COA1: variants seen among roughly 807,000 people sequenced by gnomAD.
The protein encoded by COA1 is cytochrome c oxidase assembly factor 1 homolog.
COA1 carries 13 observed loss-of-function variants against 16.0 expected under a neutral mutation model. That is an observed-to-expected ratio of 0.81 (90% CI 0.53 to 1.29). The LOEUF is 1.29. Among genes scored for constraint, COA1 ranks in the 50% most tolerant of loss-of-function variants. The pLI is 0.00. For missense variants in COA1, 179 were observed against 177.0 expected (o/e 1.01, Z -0.06); for synonymous variants, 65 against 65.7 (o/e 0.99, Z 0.05).
At chr7:43,692,791 A>T (rs2094416854) in intron 1 of COA1, among the ~76,000 whole-genome samples, 1 of 152,126 alleles carries the variant, frequency 6.6e-6, no homozygotes. Flanking sequence ...AAGGACCAAT[A>T]AACTTTGTAA....
intron 1 of COA1, among the ~76,000 whole-genome samples, chr7:43,696,295 C>T (rs149886074): frequency 2.0e-5 from 3 of 152,210 alleles, no homozygotes; most frequent in Non-Finnish European, 2.9e-5. Flanking sequence ...AGAATTCACA[C>T]TATCACGAGA....
chr7:43,624,578 A>G (rs928479893), intron 6 of COA1: 3 of 1,614,042 alleles, frequency 1.9e-6, no homozygotes, highest in African/African-American at 2.7e-5. Flanking sequence ...GCAGTATTCA[A>G]GAGCCTTCTT....
At chr7:43,626,946 A>G (rs1396445709) in intron 6 of COA1, among the ~76,000 whole-genome samples, 2 of 152,132 alleles carry the variant, frequency 1.3e-5, no homozygotes, top group African/African-American at 2.4e-5. Context: ...TTTTTGGTTT[A>G]TAAGATAAAA....
chr7:43,683,046 T>C (rs1468210458), intron 1 of COA1, among the ~76,000 whole-genome samples: 5 of 152,000 alleles, frequency 3.3e-5, no homozygotes, highest in Non-Finnish European at 7.4e-5. Flanking sequence ...TTAGTAGAGA[T>C]GGGGTTTCAC....
At chr7:43,691,026 T>A (rs1585036136) in intron 1 of COA1, among the ~76,000 whole-genome samples, 1 of 113,818 alleles carries the variant, frequency 8.8e-6, no homozygotes, top group African/African-American at 3.5e-5. Flanking sequence ...AAGACCAGCC[T>A]GGGCAATATA....
chr7:43,639,534 G>A lies in COA1; in HGVS notation c.*48C>T, dbSNP rs780158797. 34 of 1,488,132 alleles carry A rather than the reference G, an allele frequency of 2.3e-5. No individual in the cohort carries two copies. The East Asian group carries it at 5.0e-4, about 22-fold the overall frequency. 92.2% of individuals were successfully genotyped at this position (1,488,132 alleles called of 1,614,324 possible). ...ACCACCCCAGTGGCCATATGGTAGA[G>A]ATGAGGGAAGGATGGACTAGAAGCA... On this transcript the variant is annotated 3_prime_UTR_variant, in exon 6 of 6. Transcript: ENST00000223336.
At chr7:43,644,630 G>A (rs560689673) in intron 4 of COA1, among the ~76,000 whole-genome samples, 6 of 151,780 alleles carry the variant, frequency 4.0e-5, no homozygotes, top group East Asian at 1.9e-4. Context: ...GGGTTCAAGC[G>A]ATCCTCCTGC....
Position 43,630,053 on chromosome 7 carries a change from T to G in COA1, c.*133+9396A>C, listed in dbSNP as rs143821904. ...TTTTATTAGAACAGCCACACCTGTG[T>G]GTTTACATTTTGTATGTGGATGCCT... On this transcript the variant is annotated intron_variant and NMD_transcript_variant, in intron 6 of 6. Transcript: ENST00000415076. Among the ~76,000 whole-genome samples the G allele has an allele frequency of 4.1e-4, 63 of 152,310 alleles. 1 individual carries two copies. The highest frequency in any genetic ancestry group is 4.1e-3 in the Admixed American group (62 of 15,298).
chr7:43,692,273 C>A (rs1014350788), intron 1 of COA1, among the ~76,000 whole-genome samples: 2 of 152,174 alleles, frequency 1.3e-5, no homozygotes, highest in Non-Finnish European at 2.9e-5. Context: ...AATCCCAACA[C>A]TCTAAGAGGC....
intron 1 of COA1, among the ~76,000 whole-genome samples, chr7:43,653,728 T>G (rs2091272112): frequency 6.6e-6 from 1 of 151,946 alleles, no homozygotes; most frequent in African/African-American, 2.4e-5. Flanking sequence ...CCACTGAAAG[T>G]AATGGCGAAA....
intron 2 of COA1, 98 bp downstream of exon 2, chr7:43,648,502 G>T: frequency 8.0e-7 from 1 of 1,247,314 alleles, no homozygotes; most frequent in Non-Finnish European, 1.2e-6. Context: ...ACCAGGAGAA[G>T]CCCATAACTA....
At chr7:43,707,093 G>A (rs970225017) in intron 1 of COA1, among the ~76,000 whole-genome samples, 1 of 152,020 alleles carries the variant, frequency 6.6e-6, no homozygotes, top group Non-Finnish European at 1.5e-5. Context: ...AGAATTTCTT[G>A]AACCCAGGAG....
chr7:43,710,394 A>ATTTTTT (rs1268788403), intron 1 of COA1, among the ~76,000 whole-genome samples: 16 of 135,332 alleles, frequency 1.2e-4, no homozygotes, highest in African/African-American at 4.0e-4. Context: ...ATATATATAT[A>ATTTTTT]TTTTTAAGAT....
At chr7:43,698,005 A>T (rs2094583214) in intron 1 of COA1, among the ~76,000 whole-genome samples, 1 of 152,220 alleles carries the variant, frequency 6.6e-6, no homozygotes, top group South Asian at 2.1e-4. Flanking sequence ...GAGAAGGATA[A>T]TCTCTTCTGC....
At chr7:43,690,373 G>A (rs905750838) in intron 1 of COA1, among the ~76,000 whole-genome samples, 4 of 152,086 alleles carry the variant, frequency 2.6e-5, no homozygotes, top group Non-Finnish European at 4.4e-5. Flanking sequence ...CGATCAACGA[G>A]TGGATAAAGA....
chr7:43,703,553 T>C (rs1005598075), intron 1 of COA1, among the ~76,000 whole-genome samples: 6 of 152,222 alleles, frequency 3.9e-5, no homozygotes, highest in African/African-American at 1.2e-4. Flanking sequence ...TTAAATCTTC[T>C]AGTTGAATTG....
intron 4 of COA1, among the ~76,000 whole-genome samples, chr7:43,644,764 A>ATAGATAGATAGATAGATAGAT (rs1563228896): frequency 5.4e-5 from 4 of 74,652 alleles, no homozygotes; most frequent in Non-Finnish European, 1.2e-4. Flanking sequence ...ATAGATAGGC[A>ATAGATAGATAGATAGATAGAT]GGCAGGCAGG....
intron 6 of COA1, among the ~76,000 whole-genome samples, chr7:43,614,934 A>C (rs1363981584): frequency 6.6e-6 from 1 of 152,214 alleles, no homozygotes; most frequent in Non-Finnish European, 1.5e-5. Context: ...AAAACATTTA[A>C]ACTATTTTAA....
chr7:43,611,399 C>T (rs774494895), intron 6 of COA1, among the ~76,000 whole-genome samples: 4 of 152,206 alleles, frequency 2.6e-5, no homozygotes, highest in Non-Finnish European at 5.9e-5. Context: ...AATGGACACT[C>T]AGGACCCAGT....
Sources: allele counts gnomAD v4.1 joint callset (sites outside exome capture counted in the v4.1 genomes callset), GRCh38; gene constraint gnomAD v4.1.1; transcripts MANE v1.5; gene names NCBI Gene and HGNC (gene_info 2026-07-23, HGNC 2026-07-21).